The following SCP2 variants were observed in gnomAD, a reference collection of about 807,000 sequenced individuals.
SCP2 encodes the protein SCP-2/3-oxoacyl-CoA thiolase.
In SCP2, 48 loss-of-function variants were observed where a neutral mutation model predicts 71.4. The observed-to-expected ratio is 0.67, with a 90% CI of 0.53 to 0.86. SCP2 has a LOEUF of 0.86. Among genes scored for constraint, SCP2 ranks in the 40% least tolerant of loss-of-function variants. The pLI is 0.00. For synonymous variants in SCP2, 220 were observed against 218.1 expected, an observed-to-expected ratio of 1.01 and a Z score of -0.08; for missense variants, 560 against 655.6, an observed-to-expected ratio of 0.85 and a Z score of 1.59.
intron 14 of SCP2, among the ~76,000 whole-genome samples, chr1:53,042,196 A>G (rs529825445): frequency 6.6e-6 from 1 of 152,292 alleles, no homozygotes; most frequent in Non-Finnish European, 1.5e-5. Flanking sequence ...GGTGGTGTAC[A>G]AAGAAAAGCT....
intron 11 of SCP2, among the ~76,000 whole-genome samples, chr1:52,989,796 G>A (rs1234997694): frequency 6.6e-6 from 1 of 152,120 alleles, no homozygotes; most frequent in African/African-American, 2.4e-5. Context: ...AGGAAAAGTT[G>A]GGGAGTAGGA....
intron 13 of SCP2, among the ~76,000 whole-genome samples, chr1:53,034,880 C>A (rs765962857): frequency 6.6e-6 from 1 of 152,060 alleles, no homozygotes; most frequent in South Asian, 2.1e-4. Flanking sequence ...CCGAGGCAGG[C>A]GGATCATGAG....
chr1:52,944,764 G>A (rs1557548396), intron 2 of SCP2, among the ~76,000 whole-genome samples: 1 of 151,960 alleles, frequency 6.6e-6, no homozygotes, highest in Admixed American at 6.5e-5. Context: ...ACTCACGCCT[G>A]TAATCCCAAC....
At chr1:52,951,611 T>C (rs547413880) in intron 4 of SCP2, among the ~76,000 whole-genome samples, 1 of 151,444 alleles carries the variant, frequency 6.6e-6, no homozygotes, top group Non-Finnish European at 1.5e-5. Context: ...TAAAAAGGCA[T>C]TGTGAGATAT....
intron 6 of SCP2, among the ~76,000 whole-genome samples, chr1:52,965,075 G>A (rs1296531170): frequency 2.0e-5 from 3 of 152,136 alleles, no homozygotes; most frequent in Admixed American, 2.0e-4. Context: ...TTGAGAGTAA[G>A]TTGCAGTTCT....
chr1:52,976,630 A>G, intron 7 of SCP2, 53 bp from the exon 8 acceptor site: 2 of 929,478 alleles, frequency 2.2e-6, no homozygotes, highest in African/African-American at 1.6e-5. Context: ...CTCTGCAACA[A>G]AAATTACAGT....
At chr1:52,953,654 C>G (rs1175299539) in intron 4 of SCP2, among the ~76,000 whole-genome samples, 1 of 151,926 alleles carries the variant, frequency 6.6e-6, no homozygotes, top group Admixed American at 6.6e-5. Context: ...CCCGATTTTT[C>G]CTCTTATCTA....
chr1:52,943,830 C>T, intron 2 of SCP2: 1 of 452,146 alleles, frequency 2.2e-6, no homozygotes, highest in Non-Finnish European at 4.4e-6. Context: ...TTCTTCACCC[C>T]TGCAGTAGAG....
intron 10 of SCP2, among the ~76,000 whole-genome samples, chr1:52,983,501 T>A (rs1241913739): frequency 2.0e-5 from 3 of 152,232 alleles, no homozygotes; most frequent in African/African-American, 7.2e-5. Context: ...AACTGTTCAC[T>A]TTGAATCCCC....
chr1:52,958,626 G>A (rs1656044839), intron 5 of SCP2, among the ~76,000 whole-genome samples: 1 of 152,048 alleles, frequency 6.6e-6, no homozygotes, highest in Admixed American at 6.6e-5. Context: ...TATATTGATT[G>A]ATATTTGATT....
Position 53,050,654 on chromosome 1 carries a change from G to T in SCP2, c.1594G>T (p.Ala532Ser). 6.2e-7 allele frequency: 1 copy of T among 1,613,640 alleles called. No homozygotes were observed. Among genetic ancestry groups the T allele is most frequent in the Non-Finnish European group, 8.5e-7 (1 of 1,179,660 alleles). Residue 532 changes from alanine (A) to serine (S), a missense_variant, in exon 16 of 16, where the codon GCT (alanine) becomes TCT (serine). Coordinates refer to ENST00000371514, the MANE Select transcript of SCP2 (RefSeq NM_002979.5). ...GAAAATCACTGGCAACATGGGTCTC[G>T]CTATGAAGTTACAAAATCTTCAGCT... The part of the protein sequence containing the change: ...KLKITGNMGL[A>S]MKLQNLQLQP...
At chr1:52,955,317 G>A (rs1049286954) in intron 5 of SCP2, among the ~76,000 whole-genome samples, 3 of 152,186 alleles carry the variant, frequency 2.0e-5, no homozygotes, top group Non-Finnish European at 4.4e-5. Flanking sequence ...TCAGGCAGCT[G>A]TGAGCCACAA....
At chr1:53,044,669 G>A (rs954812434) in intron 14 of SCP2, among the ~76,000 whole-genome samples, 1 of 152,150 alleles carries the variant, frequency 6.6e-6, no homozygotes, top group Non-Finnish European at 1.5e-5. Context: ...TTTAATTTGA[G>A]CTAATTCTTA....
chr1:53,015,097 T>C (rs1008991469), intron 12 of SCP2, 54 bp downstream of exon 12: 2 of 1,520,092 alleles, frequency 1.3e-6, no homozygotes, highest in South Asian at 2.2e-5. Context: ...CTTTTCACAG[T>C]TGATGATGTT....
chr1:53,049,141 A>G (rs879635629), intron 15 of SCP2: 1 of 152,276 alleles, frequency 6.6e-6, no homozygotes, highest in Non-Finnish European at 1.5e-5. Context: ...TGGACAGAAC[A>G]GAGGCCACCA....
intron 1 of SCP2, 125 bp downstream of exon 1, chr1:52,927,590 G>T (rs1369670257): frequency 1.3e-6 from 1 of 752,422 alleles, no homozygotes; most frequent in African/African-American, 1.7e-5. Context: ...TGGCGACTTG[G>T]TGGCTTGTAC....
chr1:53,015,301 G>A (rs1327192814), intron 12 of SCP2, among the ~76,000 whole-genome samples: 1 of 152,180 alleles, frequency 6.6e-6, no homozygotes, highest in African/African-American at 2.4e-5. Context: ...CTGGGTATGG[G>A]TCTCGGCCCT....
Position 52,980,099 on chromosome 1 carries a change from A to G in SCP2, c.826-297A>G, listed in dbSNP as rs56911955. 0.1 allele frequency among the ~76,000 whole-genome samples: 15,378 copies of G among 151,726 alleles called. 1,539 individuals are homozygous for G. The highest frequency in any genetic ancestry group is 0.25 in the African/African-American group (10,301 of 41,324). On this transcript the variant is annotated intron_variant, in intron 9 of 15. Coordinates refer to ENST00000371514, the MANE Select transcript of SCP2 (RefSeq NM_002979.5). ...AACGATCCTCCCAGCTCAGCCTCCC[A>G]AGTATCTGGGACCACAGGCACATAC...
At chr1:52,984,832 C>T (rs914098757) in intron 10 of SCP2, among the ~76,000 whole-genome samples, 4 of 131,154 alleles carry the variant, frequency 3.0e-5, no homozygotes, top group Admixed American at 1.5e-4. Context: ...CCACCACACC[C>T]AGCTTTTCTT....
Sources: gnomAD v4.1 joint callset for allele counts (sites outside exome capture counted in the v4.1 genomes callset) on GRCh38, gnomAD v4.1.1 for gene constraint, MANE v1.5 for transcripts, NCBI Gene and HGNC (gene_info 2026-07-23, HGNC 2026-07-21) for gene names.